RIMS3: variants seen among roughly 807,000 people sequenced by gnomAD.
The protein encoded by RIMS3 is regulating synaptic membrane exocytosis 3.
RIMS3 carries 15 observed loss-of-function variants against 29.2 expected under a neutral mutation model. That is an observed-to-expected ratio of 0.51 (90% CI 0.34 to 0.79). RIMS3 has a LOEUF of 0.79. RIMS3 is among the 30% of genes least tolerant of loss of function. The pLI, the probability that RIMS3 is intolerant of heterozygous loss-of-function variation, is 0.01. For synonymous variants in RIMS3, 161 were observed against 170.1 expected (o/e 0.95, Z 0.41); for missense variants, 342 against 421.4 (o/e 0.81, Z 1.65).
chr1:40,657,224 G>A (rs1379200408), intron 1 of RIMS3, among the ~76,000 whole-genome samples: 6 of 152,248 alleles, frequency 3.9e-5, no homozygotes, highest in South Asian at 4.1e-4. Context: ...GAGACTTGAC[G>A]TCCACCCAGA....
chr1:40,684,347 C>A, the RIMS3 span, among the ~76,000 whole-genome samples: 14 of 152,298 alleles, frequency 9.2e-5, no homozygotes, highest in East Asian at 2.7e-3. Context: ...TTCCATGAAG[C>A]AAGAATAATG....
chr1:40,672,534 C>T, the RIMS3 span, among the ~76,000 whole-genome samples: 24 of 152,160 alleles, frequency 1.6e-4, no homozygotes, highest in Non-Finnish European at 3.2e-4. Flanking sequence ...GGTTCAAACA[C>T]GCATAGGATT....
intron 2 of RIMS3, among the ~76,000 whole-genome samples, chr1:40,644,643 G>A (rs55954637): frequency 0.27 from 40,656 of 152,144 alleles, 5,913 homozygotes; most frequent in Non-Finnish European, 0.33. Flanking sequence ...TAACAGAGCT[G>A]GGATCTCCAG....
chr1:40,659,004 T>G (rs550891245), intron 1 of RIMS3, among the ~76,000 whole-genome samples: 1 of 152,158 alleles, frequency 6.6e-6, no homozygotes, highest in Non-Finnish European at 1.5e-5. Context: ...AGAAGCCCAG[T>G]GCAGTGGGAG....
upstream of RIMS3, among the ~76,000 whole-genome samples, chr1:40,670,609 T>TATATATATATATATATA (rs55692608): frequency 2.9e-3 from 390 of 135,466 alleles, no homozygotes; most frequent in African/African-American, 3.8e-3. Flanking sequence ...TATATATATA[T>TATATATATATATATATA]TTGAGATGGA....
chr1:40,627,551 C>T (rs948687175), intron 7 of RIMS3, among the ~76,000 whole-genome samples: 3 of 152,038 alleles, frequency 2.0e-5, no homozygotes, highest in Non-Finnish European at 4.4e-5. Context: ...TAAGCAAACA[C>T]CAAAGATTAT....
At chr1:40,653,556 C>A (rs1642226570) in intron 1 of RIMS3, among the ~76,000 whole-genome samples, 2 of 152,164 alleles carry the variant, frequency 1.3e-5, no homozygotes, top group South Asian at 4.1e-4. Flanking sequence ...AGAATTTGGA[C>A]TGAAAGAAAA....
rs1646436129 is a variant in RIMS3 at position 40,623,694 on chromosome 1, C to T, written c.*2823G>A. The T allele has an allele frequency of 5.1e-6, 2 of 394,052 alleles. No individual in the cohort carries two copies. Among genetic ancestry groups the T allele is most frequent in the East Asian group, 3.6e-5 (1 of 27,838 alleles). 24.4% of individuals were successfully genotyped at this position (394,052 alleles called of 1,614,324 possible). ...CCGTCCTCAAACAGCAGATGCTCCC[C>T]CACCCCAGCAAACAACCAGGAGTTA... On this transcript the variant is annotated 3_prime_UTR_variant, in exon 8 of 8. Coordinates refer to ENST00000372684, the MANE Select transcript of RIMS3 (RefSeq NM_014747.3).
the RIMS3 span, chr1:40,691,786 C>G: frequency 2.2e-6 from 1 of 452,996 alleles, no homozygotes; most frequent in Non-Finnish European, 4.4e-6. Context: ...CCCCTCCCCT[C>G]CGCCGCGCCT....
chr1:40,630,898 C>T (rs139509703), intron 5 of RIMS3, among the ~76,000 whole-genome samples: 1 of 152,332 alleles, frequency 6.6e-6, no homozygotes, highest in African/African-American at 2.4e-5. Flanking sequence ...TTGCTTTCAG[C>T]TGATCCTTGC....
chr1:40,685,155 G>A, the RIMS3 span, among the ~76,000 whole-genome samples: 1 of 151,432 alleles, frequency 6.6e-6, no homozygotes, highest in African/African-American at 2.4e-5. Flanking sequence ...GTGGCTAATG[G>A]GGTACAGAAG....
At chr1:40,655,742 C>T (rs530660708) in intron 1 of RIMS3, among the ~76,000 whole-genome samples, 5 of 152,362 alleles carry the variant, frequency 3.3e-5, no homozygotes, top group East Asian at 1.9e-4. Flanking sequence ...CGGTGGCTCA[C>T]GCCTGTAATC....
chr1:40,643,731 G>A (rs1007725385), intron 2 of RIMS3, among the ~76,000 whole-genome samples: 27 of 151,998 alleles, frequency 1.8e-4, no homozygotes, highest in Admixed American at 1.7e-3. Context: ...CACCCACCTC[G>A]GCCTCCCAAA....
chr1:40,670,105 C>T (rs1210589979), upstream of RIMS3, among the ~76,000 whole-genome samples: 1 of 152,160 alleles, frequency 6.6e-6, no homozygotes, highest in African/African-American at 2.4e-5. Context: ...CAAGAGAAAT[C>T]CTTCTAAAAC....
rs1411245911 is a variant in RIMS3 at position 40,622,979 on chromosome 1, G to A, written c.*3538C>T. ...GGTCTTTATTGTCTTTAAAAATGGAGGCTTCTGCTCTCCTCAAGGCTGGCA... is the reference window on the plus strand; with the variant it reads ...GGTCTTTATTGTCTTTAAAAATGGAAGCTTCTGCTCTCCTCAAGGCTGGCA... On this transcript the variant is annotated 3_prime_UTR_variant, in exon 8 of 8. Coordinates refer to ENST00000372684, the MANE Select transcript of RIMS3 (RefSeq NM_014747.3). The A allele has an allele frequency of 6.2e-6, 1 of 160,102 alleles. No homozygotes were observed. Among genetic ancestry groups the A allele is most frequent in the African/African-American group, 2.4e-5 (1 of 41,730 alleles). 9.9% of individuals were successfully genotyped at this position (160,102 alleles called of 1,614,324 possible). A position where few individuals can be genotyped will look rare whatever the true frequency, so the allele number is the denominator to read the frequency against.
chr1:40,688,105 C>T, the RIMS3 span, among the ~76,000 whole-genome samples: 3 of 152,200 alleles, frequency 2.0e-5, no homozygotes, highest in African/African-American at 7.2e-5. Context: ...GCTGGGATTA[C>T]AGGCGTGTGC....
At chr1:40,671,517 GCTCTT>G in the RIMS3 span, among the ~76,000 whole-genome samples, 2 of 152,128 alleles carry the variant, frequency 1.3e-5, 1 homozygote, top group Non-Finnish European at 2.9e-5. Flanking sequence ...TCCCCTTGGT[GCTCTT>G]CTCATTATAG....
At chr1:40,678,412 A>G in the RIMS3 span, among the ~76,000 whole-genome samples, 3 of 152,212 alleles carry the variant, frequency 2.0e-5, no homozygotes, top group Non-Finnish European at 4.4e-5. Context: ...CATCTCAAAC[A>G]AACAAACAAA....
chr1:40,630,661 G>T (rs766599048), intron 5 of RIMS3, among the ~76,000 whole-genome samples: 3 of 152,160 alleles, frequency 2.0e-5, no homozygotes, highest in African/African-American at 7.2e-5. Flanking sequence ...CATCACTACC[G>T]AGGTGAGCAA....
Sources: gnomAD v4.1 joint callset for allele counts (sites outside exome capture counted in the v4.1 genomes callset) on GRCh38, gnomAD v4.1.1 for gene constraint, MANE v1.5 for transcripts, NCBI Gene and HGNC (gene_info 2026-07-23, HGNC 2026-07-21) for gene names.